Variants in COL11A1 observed in about 807,000 individuals in gnomAD.
The protein encoded by COL11A1 is collagen alpha-1(XI) chain.
In COL11A1, 74 loss-of-function variants were observed where a neutral mutation model predicts 265.2. The ratio of observed to expected loss-of-function variants is 0.28; its 90% CI spans 0.23 to 0.34. The LOEUF (loss-of-function observed/expected upper bound fraction) is 0.34, where lower values mean the gene tolerates loss of function less well. COL11A1 is among the 10% of genes least tolerant of loss of function. COL11A1 has a pLI of 1.00. For synonymous variants in COL11A1, 816 were observed against 727.6 expected, an observed-to-expected ratio of 1.12 and a Z score of -1.96; for missense variants, 2,165 against 2,263.6, an observed-to-expected ratio of 0.96 and a Z score of 0.88.
intron 52 of COL11A1, 80 bp downstream of exon 52, chr1:102,914,272 A>ATTTTTTTTT: frequency 1.8e-6 from 2 of 1,120,982 alleles, no homozygotes; most frequent in Non-Finnish European, 2.6e-6. Context: ...AGGTTATTAG[A>ATTTTTTTTT]TTTTTTTTTC....
intron 4 of COL11A1, among the ~76,000 whole-genome samples, chr1:103,067,907 G>GA (rs1671275596): frequency 6.6e-6 from 1 of 151,364 alleles, no homozygotes; most frequent in Non-Finnish European, 1.5e-5. Context: ...AGAAGAAACA[G>GA]AAAAACCGAA....
chr1:103,022,855 A>T lies in COL11A1; in HGVS notation c.1132T>A (p.Leu378Ile). The T allele has an allele frequency of 2.5e-6, 4 of 1,613,908 alleles. No individual in the cohort carries two copies. The highest frequency in any genetic ancestry group is 3.4e-6 in the Non-Finnish European group (4 of 1,179,960). The change falls in exon 8 of 67, where the codon TTA becomes ATA. Residue 378 changes from leucine (L) to isoleucine (I), a missense_variant. Leu to Ile is a conservative substitution (Grantham distance 5). Transcript: ENST00000370096. The stretch of plus-strand genomic sequence containing the variant: ...TATTCATAAAAATCATATTCGCCTA[A>T]ATCTCCATCTACCAGAAGATCAGAA... ...RDSDLLVDGD[L>I]GEYDFYEYKE...
chr1:102,879,965 A>AAT, intron 65 of COL11A1, 49 bp from the exon 66 acceptor site: 1 of 1,242,936 alleles, frequency 8.0e-7, no homozygotes, highest in South Asian at 1.2e-5. Context: ...TTCCTCTTTT[A>AAT]TGCTACAAAG....
rs1416849271 is a variant in COL11A1, at chr1:102,984,141, T to A, written c.2553A>T (p.Pro851=). The change falls in exon 31 of 67, where the codon CCA becomes CCT. Residue 851 remains proline (P), a synonymous_variant. Transcript: ENST00000370096. ...GLPGYPGRQG[P]KGSTGFPGFP... ...TATAAATATCAAGCTGTTTTACCTT[T>A]GGACCTTGTCTTCCTGGATATCCTG... is the stretch of plus-strand genomic sequence containing the variant. The A allele has an allele frequency of 3.8e-6, 6 of 1,599,294 alleles. No homozygotes were observed. The East Asian group carries it at 1.3e-4, about 36-fold the overall frequency.
At chr1:103,043,297 G>C (rs1484525083) in intron 4 of COL11A1, among the ~76,000 whole-genome samples, 1 of 150,980 alleles carries the variant, frequency 6.6e-6, no homozygotes, top group African/African-American at 2.4e-5. Context: ...CAAACAGTAA[G>C]TTTAAGGATT....
At chr1:102,911,207 T>A (rs1417539148) in intron 54 of COL11A1, among the ~76,000 whole-genome samples, 3 of 152,134 alleles carry the variant, frequency 2.0e-5, no homozygotes, top group Non-Finnish European at 2.9e-5. Context: ...AGCAAATTGT[T>A]TTCAGAGACA....
intron 54 of COL11A1, among the ~76,000 whole-genome samples, chr1:102,904,688 C>T (rs1240988571): frequency 1.3e-5 from 2 of 151,986 alleles, no homozygotes; most frequent in Non-Finnish European, 2.9e-5. Flanking sequence ...CCATCTCACA[C>T]CAGTTAGAAT....
chr1:103,017,802 T>A lies in COL11A1; in HGVS notation c.1413+18A>T, dbSNP rs17461252. On this transcript the variant is annotated intron_variant, in intron 11 of 66. Coordinates refer to ENST00000370096, the MANE Select transcript of COL11A1 (RefSeq NM_001854.4). ...TATGACATGCATTTGTAATGAGATA[T>A]CATGTCCATTCACTTACCCTATCGC... is the stretch of plus-strand genomic sequence containing the variant. The A allele has an allele frequency of 0.055, 87,419 of 1,596,772 alleles. 3,049 individuals carry two copies. Among genetic ancestry groups the A allele is most frequent in the Admixed American group, 0.12 (7,162 of 59,952 alleles).
rs551368738 is a variant in COL11A1, at chr1:103,006,355, C to A, written c.1684-40G>T. 17 of 1,539,594 alleles carry A rather than the reference C, an allele frequency of 1.1e-5. No homozygotes were observed. In the South Asian group the frequency reaches 1.2e-4, roughly 11 times the overall value. On this transcript the variant is annotated intron_variant, in intron 15 of 66. Coordinates refer to ENST00000370096, the MANE Select transcript of COL11A1 (RefSeq NM_001854.4). Reference sequence around the variant, plus strand: ...CATAATTAAACCATATTATAGAATTCTTGATCAATAAACTCAATAGCATCA... The same window carrying A: ...CATAATTAAACCATATTATAGAATTATTGATCAATAAACTCAATAGCATCA...
intron 54 of COL11A1, among the ~76,000 whole-genome samples, chr1:102,907,734 A>G (rs182125444): frequency 1.1e-3 from 33 of 30,330 alleles, no homozygotes; most frequent in African/African-American, 5.1e-3. Flanking sequence ...TTAATATTAG[A>G]TTTTGAGATT....
Position 103,031,247 on chromosome 1 carries a change from G to C in COL11A1, c.652-3C>G. On this transcript the variant is annotated splice_region_variant and splice_polypyrimidine_tract_variant and intron_variant, in intron 4 of 66. Transcript: ENST00000370096. ...ATCAAAAACTGCTGAATGTCCCCCT[G>C]GGAAAAAAAAAAAAACAAAAACAAA... 1 of 1,427,550 alleles carries C rather than the reference G, an allele frequency of 7.0e-7. No individual in the cohort carries two copies. Among genetic ancestry groups the C allele is most frequent in the Non-Finnish European group, 9.2e-7 (1 of 1,082,380 alleles). 88.4% of individuals were successfully genotyped at this position (1,427,550 alleles called of 1,614,324 possible). A position where few individuals can be genotyped will look rare whatever the true frequency, so the allele number is the denominator to read the frequency against.
chr1:102,898,729 G>T lies in COL11A1; in HGVS notation c.4185C>A (p.Val1395=), dbSNP rs112577505. The change falls in exon 56 of 67, where the codon GTC becomes GTA. Residue 1395 remains valine (V), a synonymous_variant. Transcript: ENST00000370096. ...GCTTTCCTGCAGGTCCCTGAGGACCGACTGGGCCGGTTTTTCCAGGAGGAC... is the reference window on the plus strand; with the variant it reads ...GCTTTCCTGCAGGTCCCTGAGGACCTACTGGGCCGGTTTTTCCAGGAGGAC... ...AEGPPGKTGP[V]GPQGPAGKPG... 6.2e-7 allele frequency: 1 copy of T among 1,613,004 alleles called. No individual in the cohort carries two copies. Among genetic ancestry groups the T allele is most frequent in the South Asian group, 1.1e-5 (1 of 91,052 alleles).
chr1:102,974,770 G>A, intron 36 of COL11A1, 60 bp downstream of exon 36: 1 of 1,253,062 alleles, frequency 8.0e-7, no homozygotes, highest in Non-Finnish European at 1.2e-6. Flanking sequence ...TGTAAGCTGT[G>A]ACTCTCAAAA....
In COL11A1 at chr1:102,890,488, G is replaced by C. The variant is rs1225478099; in HGVS notation, c.4319C>G (p.Pro1440Arg). The change falls in exon 58 of 67, where the codon CCT becomes CGT. Residue 1440 changes from proline (P) to arginine (R), a missense_variant. By Grantham distance (103) the Pro-to-Arg change is moderately radical (BLOSUM62 -2). Coordinates refer to ENST00000370096, the MANE Select transcript of COL11A1 (RefSeq NM_001854.4). Reference sequence around the variant, plus strand: ...GGAGCCAGGGTCACCTTTGAGACCAGGTAAGCCAGGAGGTCCCTAAATAAT... The same window carrying C: ...GGAGCCAGGGTCACCTTTGAGACCACGTAAGCCAGGAGGTCCCTAAATAAT... ...PPGPMGPPGLPGLKGDPGSKG... is the reference protein window; with the variant it reads ...PPGPMGPPGLRGLKGDPGSKG... 2 of 1,607,224 alleles carry C rather than the reference G, an allele frequency of 1.2e-6. No individual in the cohort carries two copies. Among genetic ancestry groups the C allele is most frequent in the Admixed American group, 1.7e-5 (1 of 59,140 alleles).
intron 31 of COL11A1, among the ~76,000 whole-genome samples, 155 bp downstream of exon 31, chr1:102,983,983 C>A (rs137984677): frequency 5.6e-4 from 85 of 152,074 alleles, no homozygotes; most frequent in Non-Finnish European, 8.8e-5. Context: ...GAGCTCCCTG[C>A]ACTCCAGGCG....
chr1:102,919,944 C>T (rs534256170), intron 49 of COL11A1, among the ~76,000 whole-genome samples: 175 of 152,062 alleles, frequency 1.2e-3, no homozygotes, highest in Non-Finnish European at 2.2e-3. Context: ...TATTACTAGA[C>T]ATTCATGGAC....
At chr1:102,972,242 G>T (rs759031602) in intron 36 of COL11A1, among the ~76,000 whole-genome samples, 9 of 152,026 alleles carry the variant, frequency 5.9e-5, no homozygotes, top group Non-Finnish European at 1.3e-4. Context: ...ATACTAAAGT[G>T]CTTCTTAAAT....
At chr1:102,981,123 C>T (rs1402235735) in intron 31 of COL11A1, among the ~76,000 whole-genome samples, 1 of 152,072 alleles carries the variant, frequency 6.6e-6, no homozygotes, top group East Asian at 1.9e-4. Flanking sequence ...CTGAAGGATG[C>T]ACTGCTAAGC....
At chr1:102,955,206 A>G (rs1296118935) in intron 41 of COL11A1, among the ~76,000 whole-genome samples, 6 of 152,170 alleles carry the variant, frequency 3.9e-5, no homozygotes, top group Admixed American at 2.6e-4. Context: ...CCTTGCTGGA[A>G]GAATAAGTAA....
Sources: gnomAD v4.1 joint callset for allele counts (sites outside exome capture counted in the v4.1 genomes callset) on GRCh38, gnomAD v4.1.1 for gene constraint, MANE v1.5 for transcripts, NCBI Gene and HGNC (gene_info 2026-07-23, HGNC 2026-07-21) for gene names.